Variants in CACNG3 observed in about 807,000 individuals in gnomAD.
CACNG3 encodes voltage-dependent calcium channel gamma-3 subunit.
CACNG3 carries 3 observed loss-of-function variants against 28.5 expected under a neutral mutation model. That is an observed-to-expected ratio of 0.11 (90% CI 0.05 to 0.27). The LOEUF is 0.27. CACNG3 is among the 10% of genes least tolerant of loss of function. The pLI, the probability that CACNG3 is intolerant of heterozygous loss-of-function variation, is 1.00. For missense variants in CACNG3, 236 were observed against 414.4 expected (o/e 0.57, Z 3.74); for synonymous variants, 174 against 162.2 (o/e 1.07, Z -0.55).
intron 1 of CACNG3, among the ~76,000 whole-genome samples, chr16:24,315,769 CT>C (rs1899343803): frequency 1.3e-5 from 2 of 152,052 alleles, no homozygotes. Context: ...AGCAATTCCC[CT>C]GCCTCAGTCT....
chr16:24,263,520 C>T (rs946810427), intron 1 of CACNG3, among the ~76,000 whole-genome samples: 4 of 152,158 alleles, frequency 2.6e-5, no homozygotes, highest in Admixed American at 2.6e-4. Flanking sequence ...CCACAGCACA[C>T]TTTTTCAATG....
intron 1 of CACNG3, among the ~76,000 whole-genome samples, chr16:24,316,779 C>G (rs984661067): frequency 6.6e-6 from 1 of 152,208 alleles, no homozygotes; most frequent in Non-Finnish European, 1.5e-5. Context: ...CTGGCTTCCC[C>G]CAAGTTCCTG....
intron 1 of CACNG3, among the ~76,000 whole-genome samples, chr16:24,335,147 C>T (rs1382663144): frequency 6.6e-6 from 1 of 152,140 alleles, no homozygotes; most frequent in Admixed American, 6.5e-5. Context: ...GGGCCAGGCA[C>T]AGTGGCTCAC....
At chr16:24,295,692 A>T (rs540476167) in intron 1 of CACNG3, among the ~76,000 whole-genome samples, 2 of 151,944 alleles carry the variant, frequency 1.3e-5, no homozygotes, top group African/African-American at 4.8e-5. Flanking sequence ...ACTAAAAATT[A>T]AAAAAAATTA....
Position 24,361,859 on chromosome 16 carries a change from T to A in CACNG3, c.944T>A (p.Val315Asp). ...NNPANRRTTP[V>D] ...CCGGCCAACAGGCGCACCACGCCCG[T>A]CTGAACTGACCTCTGACCTCTGCCC... is the stretch of plus-strand genomic sequence containing the variant. Residue 315 changes from valine (V) to aspartate (D), a missense_variant, in exon 4 of 4, where the codon GTC (valine) becomes GAC (aspartate). Physicochemically the swap from Val to Asp is radical, Grantham distance 152. This residue lies in a region of CACNG3 where 116 missense variants were observed against 151.0 expected (regional missense o/e 0.77). Coordinates refer to ENST00000005284, the MANE Select transcript of CACNG3 (RefSeq NM_006539.4). The surrounding 1 kb of genome is among the most constrained non-coding windows in gnomAD (Gnocchi z 6.8). 1 of 1,602,652 alleles carries A rather than the reference T, an allele frequency of 6.2e-7. No individual in the cohort carries two copies.
intron 1 of CACNG3, among the ~76,000 whole-genome samples, chr16:24,332,512 A>C (rs1899644481): frequency 6.6e-6 from 1 of 151,922 alleles, no homozygotes; most frequent in South Asian, 2.1e-4. Context: ...GATGTGCATC[A>C]ACCACAGTTC....
At chr16:24,282,388 C>T (rs978349924) in intron 1 of CACNG3, among the ~76,000 whole-genome samples, 2 of 150,712 alleles carry the variant, frequency 1.3e-5, no homozygotes, top group African/African-American at 2.5e-5. Flanking sequence ...TCCACTTGTG[C>T]GGCTTCTTCA....
chr16:24,346,506 A>G (rs1899869204), intron 1 of CACNG3, among the ~76,000 whole-genome samples: 1 of 152,188 alleles, frequency 6.6e-6, no homozygotes, highest in Non-Finnish European at 1.5e-5. Flanking sequence ...TGAGCCCAAG[A>G]GTTCAAGACT....
intron 1 of CACNG3, among the ~76,000 whole-genome samples, chr16:24,274,192 A>C (rs1472318363): frequency 1.4e-5 from 2 of 146,970 alleles, no homozygotes; most frequent in African/African-American, 2.5e-5. Flanking sequence ...ATCTCAAAAA[A>C]AAAAAAAACA....
chr16:24,355,158 C>T (rs950785496), intron 3 of CACNG3, among the ~76,000 whole-genome samples, 185 bp downstream of exon 3: 3 of 148,712 alleles, frequency 2.0e-5, no homozygotes, highest in African/African-American at 4.9e-5. Flanking sequence ...TAGCTAAAGC[C>T]GGCATGAAGG....
At chr16:24,278,372 T>C (rs976306154) in intron 1 of CACNG3, among the ~76,000 whole-genome samples, 1 of 152,144 alleles carries the variant, frequency 6.6e-6, no homozygotes, top group African/African-American at 2.4e-5. Context: ...AATCCCTGCA[T>C]TCTGGGAGGC....
At chr16:24,342,386 A>G (rs1162835400) in intron 1 of CACNG3, among the ~76,000 whole-genome samples, 1 of 152,242 alleles carries the variant, frequency 6.6e-6, no homozygotes, top group African/African-American at 2.4e-5. Context: ...CACAAAATGA[A>G]ACAGTCTGCA....
At chr16:24,267,985 G>A (rs1433863133) in intron 1 of CACNG3, among the ~76,000 whole-genome samples, 1 of 152,160 alleles carries the variant, frequency 6.6e-6, no homozygotes, top group African/African-American at 2.4e-5. Context: ...ATCTGGGCCA[G>A]CCCCTGAGCA....
intron 1 of CACNG3, among the ~76,000 whole-genome samples, chr16:24,286,529 C>T (rs553597549): frequency 3.2e-4 from 49 of 152,198 alleles, no homozygotes; most frequent in Non-Finnish European, 4.3e-4. Flanking sequence ...CCCTGAATTT[C>T]AGTCATTCCT....
Position 24,361,541 on chromosome 16 carries a change from C to T in CACNG3, c.626C>T (p.Ala209Val), listed in dbSNP as rs773586046. ...ATTGAAAAACATCAGCAGTTACGAG[C>T]CAAATCCCACTCGGAGTTCCTGAAG... Reference protein sequence around the residue: ...IYIEKHQQLRAKSHSEFLKKS... With the variant: ...IYIEKHQQLRVKSHSEFLKKS... The change falls in exon 4 of 4, where the codon GCC becomes GTC. Residue 209 changes from alanine (A) to valine (V), a missense_variant. Ala to Val is a moderately conservative substitution (Grantham distance 64, BLOSUM62 0). This residue lies in a region of CACNG3 where 116 missense variants were observed against 151.0 expected (regional missense o/e 0.77). Coordinates refer to ENST00000005284, the MANE Select transcript of CACNG3 (RefSeq NM_006539.4). The surrounding 1 kb of genome is among the most constrained non-coding windows in gnomAD (Gnocchi z 6.8). 6.2e-7 allele frequency: 1 copy of T among 1,614,086 alleles called. No individual in the cohort carries two copies. Among genetic ancestry groups the T allele is most frequent in the East Asian group, 2.2e-5 (1 of 44,882 alleles).
chr16:24,286,842 C>T (rs1042183114), intron 1 of CACNG3, among the ~76,000 whole-genome samples: 4 of 152,188 alleles, frequency 2.6e-5, no homozygotes, highest in Admixed American at 6.5e-5. Flanking sequence ...ACGCTCTTAA[C>T]GACTGTGTGG....
At chr16:24,295,872 A>C (rs979624577) in intron 1 of CACNG3, among the ~76,000 whole-genome samples, 1 of 152,048 alleles carries the variant, frequency 6.6e-6, no homozygotes, top group African/African-American at 2.4e-5. Context: ...AACAAACAAA[A>C]AAACCTCAAA....
intron 1 of CACNG3, among the ~76,000 whole-genome samples, chr16:24,337,203 C>A (rs975187540): frequency 2.0e-5 from 3 of 152,100 alleles, no homozygotes; most frequent in African/African-American, 7.2e-5. Context: ...TAGTGGCTGG[C>A]CAAGGATTCA....
At chr16:24,301,319 A>G (rs1899108151) in intron 1 of CACNG3, among the ~76,000 whole-genome samples, 1 of 151,788 alleles carries the variant, frequency 6.6e-6, no homozygotes, top group African/African-American at 2.4e-5. Context: ...GGGTCATTTT[A>G]TCTTGCAACC....
Sources: gnomAD v4.1 joint callset for allele counts (sites outside exome capture counted in the v4.1 genomes callset) on GRCh38, gnomAD v4.1.1 for gene constraint, gnomAD v4.1.1 regional missense constraint, Gnocchi (gnomAD v3.1) non-coding constraint, MANE v1.5 for transcripts, NCBI Gene and HGNC (gene_info 2026-07-23, HGNC 2026-07-21) for gene names.